The following ACSL6 variants were observed in gnomAD, a reference collection of about 807,000 sequenced individuals.
ACSL6 encodes long-chain-fatty-acid--CoA ligase 6.
In ACSL6, 47 loss-of-function variants were observed where a neutral mutation model predicts 98.2. The observed-to-expected ratio is 0.48, with a 90% CI of 0.38 to 0.61. The LOEUF (loss-of-function observed/expected upper bound fraction) is 0.61, where lower values mean the gene tolerates loss of function less well. Among genes scored for constraint, ACSL6 ranks in the 20% least tolerant of loss-of-function variants. The pLI is 0.00. For synonymous variants in ACSL6, 362 were observed against 336.9 expected (o/e 1.07, Z -0.82); for missense variants, 761 against 913.4 (o/e 0.83, Z 2.15).
In ACSL6 at chr5:132,011,283, A is replaced by ATC. The variant is rs1755711523; in HGVS notation, c.49+220_49+221dup. 6.6e-6 allele frequency among the ~76,000 whole-genome samples: 1 copy of ATC among 152,066 alleles called. No homozygotes were observed. The highest frequency in any genetic ancestry group is 2.4e-5 in the African/African-American group (1 of 41,410). ...TGGGGTCGCAGAGAGCAAGCCCTAT[A>ATC]TCTCCCTCCGCAGACCCAGGTGCTC... On this transcript the variant is annotated intron_variant, in intron 1 of 20. Coordinates refer to ENST00000651883, the MANE Select transcript of ACSL6 (RefSeq NM_001009185.3). The surrounding 1 kb of genome is among the most constrained non-coding windows in gnomAD (Gnocchi z 5.4).
intron 1 of ACSL6, among the ~76,000 whole-genome samples, chr5:132,000,582 A>T (rs1561810135): frequency 6.6e-6 from 1 of 152,034 alleles, no homozygotes; most frequent in South Asian, 2.1e-4. Flanking sequence ...CTGAGCACAC[A>T]AGTATGATCA....
At position 131,989,339 on chromosome 5, in the gene ACSL6, G is replaced by C. The variant is rs546798171; in HGVS notation, c.552+68C>G. The C allele has an allele frequency of 1.9e-4, 271 of 1,439,450 alleles. No individual in the cohort carries two copies. The African/African-American group carries it at 2.3e-3, about 12-fold the overall frequency. The allele number at this position is 1,439,450 out of a possible 1,614,324, so 89.2% of individuals were successfully genotyped here. A position where few individuals can be genotyped will look rare whatever the true frequency, so the allele number is the denominator to read the frequency against. On this transcript the variant is annotated intron_variant, in intron 5 of 20. Coordinates refer to ENST00000651883, the MANE Select transcript of ACSL6 (RefSeq NM_001009185.3). ...CTGGGCCCTACAAACAGTGAAAGCA[G>C]GACTATTCCATGGCAGCCAACCCCT...
rs779071722 is a variant in ACSL6 at position 131,972,925 on chromosome 5, G to C, written c.1204-67C>G. On this transcript the variant is annotated intron_variant, in intron 12 of 20. Transcript: ENST00000651883. Reference sequence around the variant, plus strand: ...TCTCATTTCTAGATATATCCCCCAGGAATAAGGCCCAGACTGGCCAGCAGA... The same window carrying C: ...TCTCATTTCTAGATATATCCCCCAGCAATAAGGCCCAGACTGGCCAGCAGA... 1.4e-4 allele frequency: 231 copies of C among 1,608,682 alleles called. 2 individuals carry two copies. Among genetic ancestry groups the C allele is most frequent in the Non-Finnish European group, 5.9e-5 (69 of 1,176,498 alleles).
chr5:131,954,465 T>C (rs1752295290), intron 20 of ACSL6, 94 bp from the exon 21 acceptor site: 2 of 1,256,752 alleles, frequency 1.6e-6, no homozygotes, highest in Non-Finnish European at 2.2e-6. Context: ...TGAGAGTAGA[T>C]ATATTGACAT....
intron 17 of ACSL6, among the ~76,000 whole-genome samples, chr5:131,963,942 C>T (rs1018642145): frequency 1.3e-5 from 2 of 152,166 alleles, no homozygotes; most frequent in Admixed American, 1.3e-4. Flanking sequence ...GTTAACTCCT[C>T]CAAAGCCACA....
Position 131,990,081 on chromosome 5 carries a change from C to A in ACSL6, c.450+19G>T, listed in dbSNP as rs775598787. 4 of 1,612,408 alleles carry A rather than the reference C, an allele frequency of 2.5e-6. No individual in the cohort carries two copies. The highest frequency in any genetic ancestry group is 3.4e-6 in the Non-Finnish European group (4 of 1,179,644). On this transcript the variant is annotated intron_variant, in intron 4 of 20. Transcript: ENST00000651883. ...ATCTGAATGGGTGGCCAGGGTGGGG[C>A]CTGTCCTGTATCACTCACCTCCTGG...
chr5:131,985,999 T>G (rs986408288), intron 8 of ACSL6, among the ~76,000 whole-genome samples: 5 of 152,186 alleles, frequency 3.3e-5, no homozygotes, highest in African/African-American at 2.4e-5. Flanking sequence ...CAAGTCTGCT[T>G]GCATGTAGAG....
chr5:131,987,934 C>G, intron 7 of ACSL6, 114 bp downstream of exon 7: 1 of 1,380,862 alleles, frequency 7.2e-7, no homozygotes, highest in Non-Finnish European at 1.0e-6. Flanking sequence ...CACTGATATA[C>G]CCTGCGGGCC....
intron 5 of ACSL6, 115 bp downstream of exon 5, chr5:131,989,292 G>A (rs1754374574): frequency 9.8e-7 from 1 of 1,015,482 alleles, no homozygotes. Flanking sequence ...ATAGCCCAAG[G>A]GTCTCTGTTT....
At chr5:131,957,418 C>G (rs116280451) in intron 20 of ACSL6, among the ~76,000 whole-genome samples, 2,536 of 152,344 alleles carry the variant, frequency 0.017, 52 homozygotes, top group African/African-American at 0.046. Flanking sequence ...TAAGTATGCT[C>G]AAATACTGCC....
intron 13 of ACSL6, 95 bp downstream of exon 13, chr5:131,972,629 T>C (rs1371945987): frequency 1.4e-6 from 2 of 1,389,688 alleles, no homozygotes; most frequent in African/African-American, 2.9e-5. Flanking sequence ...TTTCACATGA[T>C]TACAGGGCAC....
In ACSL6 at chr5:131,973,145, G is replaced by A. The variant is rs1404733553; in HGVS notation, c.1203+121C>T. On this transcript the variant is annotated intron_variant, in intron 12 of 20. Transcript: ENST00000651883. ...AGAAAGAGTCAGGAACTACAAGAGA[G>A]GAGGCAAGTTCCAGGACTTGGCAGT... is the stretch of plus-strand genomic sequence containing the variant. 3 of 1,309,244 alleles carry A rather than the reference G, an allele frequency of 2.3e-6. No individual in the cohort carries two copies. The African/African-American group carries it at 4.4e-5, about 19-fold the overall frequency. 81.1% of individuals were successfully genotyped at this position (1,309,244 alleles called of 1,614,324 possible). A position where few individuals can be genotyped will look rare whatever the true frequency, so the allele number is the denominator to read the frequency against.
chr5:132,011,823 C>T (rs1755754445), upstream of ACSL6: 15 of 1,488,998 alleles, frequency 1.0e-5, no homozygotes, highest in South Asian at 1.3e-5. This position sits in a 1 kb window ranked among gnomAD's most constrained non-coding sequence, Gnocchi z 5.4. Context: ...GCACTGACCG[C>T]GGTGTCGGAA....
chr5:131,953,255 T>C lies in ACSL6; in HGVS notation c.*979A>G, dbSNP rs1483517082. 5.3e-6 allele frequency: 1 copy of C among 189,456 alleles called. No homozygotes were observed. Among genetic ancestry groups the C allele is most frequent in the Non-Finnish European group, 1.1e-5 (1 of 90,122 alleles). The allele number at this position is 189,456 out of a possible 1,614,324, so 11.7% of individuals were successfully genotyped here. ...TTCCTGAATACTTTAATGAGCTTAA[T>C]AAATGAGAAAATGTATTGAAAGGTC... On this transcript the variant is annotated 3_prime_UTR_variant, in exon 21 of 21. Transcript: ENST00000651883.
In ACSL6 at chr5:131,966,512, A is replaced by G. The variant is rs1753022917; in HGVS notation, c.1617T>C (p.Asn539=). ...GATCTTTCAAGTAGCCTTTGAACAC[A>G]TTTGGTCCTCTCACACATATCTATG... is the stretch of plus-strand genomic sequence containing the variant. ...GEGEICVRGP[N]VFKGYLKDPD... is the part of the protein sequence containing the mutation. Residue 539 remains asparagine, a synonymous_variant, in exon 17 of 21, where the codon AAT becomes AAC. Coordinates refer to ENST00000651883, the MANE Select transcript of ACSL6 (RefSeq NM_001009185.3). 2 of 1,614,104 alleles carry G rather than the reference A, an allele frequency of 1.2e-6. No homozygotes were observed. Among genetic ancestry groups the G allele is most frequent in the East Asian group, 4.5e-5 (2 of 44,878 alleles).
At chr5:132,005,848 G>C (rs7714191) in intron 1 of ACSL6, among the ~76,000 whole-genome samples, 48,648 of 152,048 alleles carry the variant, frequency 0.32, 8,608 homozygotes, top group Non-Finnish European at 0.41. Context: ...CCCAGGCACT[G>C]GTCAATAGGG....
chr5:132,002,677 G>A (rs1240882251), intron 1 of ACSL6, among the ~76,000 whole-genome samples: 1 of 152,192 alleles, frequency 6.6e-6, no homozygotes, highest in East Asian at 1.9e-4. Context: ...GAGCTGGGTG[G>A]GAAAGGGTAG....
chr5:131,988,556 C>A, intron 6 of ACSL6: 1 of 1,441,442 alleles, frequency 6.9e-7, no homozygotes, highest in Non-Finnish European at 9.6e-7. Context: ...AGGGCTGTAC[C>A]CTGTGTGGAG....
intron 19 of ACSL6, 172 bp from the exon 20 acceptor site, chr5:131,959,779 A>C: frequency 3.1e-5 from 20 of 637,204 alleles, no homozygotes; most frequent in Non-Finnish European, 4.7e-5. Context: ...ACCACCTCTC[A>C]TCTGGCAAGT....
Sources: gnomAD v4.1 joint callset for allele counts (sites outside exome capture counted in the v4.1 genomes callset) on GRCh38, gnomAD v4.1.1 for gene constraint, Gnocchi (gnomAD v3.1) non-coding constraint, MANE v1.5 for transcripts, NCBI Gene and HGNC (gene_info 2026-07-23, HGNC 2026-07-21) for gene names.